GNAI3: variants seen among roughly 807,000 people sequenced by gnomAD.
The protein encoded by GNAI3 is guanine nucleotide-binding protein G(i) subunit alpha-3.
A neutral mutation model predicts 41.8 loss-of-function variants in GNAI3; 12 were observed. The observed-to-expected ratio is 0.29, with a 90% CI of 0.18 to 0.47. The LOEUF is 0.47. Among genes scored for constraint, GNAI3 ranks in the 20% least tolerant of loss-of-function variants. GNAI3 has a pLI of 1.00. For synonymous variants in GNAI3, 132 were observed against 146.5 expected (o/e 0.90, Z 0.71); for missense variants, 360 against 429.6 (o/e 0.84, Z 1.43).
At chr1:109,557,769 G>A (rs1452875798) in intron 1 of GNAI3, among the ~76,000 whole-genome samples, 1 of 152,094 alleles carries the variant, frequency 6.6e-6, no homozygotes, top group Non-Finnish European at 1.5e-5. Flanking sequence ...CCCGGTTCCT[G>A]GTAAAGAGTA....
At chr1:109,573,633 CT>C in intron 1 of GNAI3, 103 bp from the exon 2 acceptor site, 1 of 918,980 alleles carries the variant, frequency 1.1e-6, no homozygotes, top group East Asian at 2.4e-5. Context: ...AAAATTTTCC[CT>C]AGGACCCGTG....
At chr1:109,562,742 G>A (rs918953418) in intron 1 of GNAI3, among the ~76,000 whole-genome samples, 1 of 152,110 alleles carries the variant, frequency 6.6e-6, no homozygotes, top group African/African-American at 2.4e-5. Flanking sequence ...CTGTAGAAAC[G>A]TGCCCTATGC....
At chr1:109,590,844 T>G (rs1236741626) in intron 7 of GNAI3, among the ~76,000 whole-genome samples, 1 of 152,154 alleles carries the variant, frequency 6.6e-6, no homozygotes, top group Admixed American at 6.5e-5. Context: ...GGATTACAGA[T>G]GTGAGCCACC....
At chr1:109,559,204 A>G (rs150682937) in intron 1 of GNAI3, among the ~76,000 whole-genome samples, 2 of 152,224 alleles carry the variant, frequency 1.3e-5, no homozygotes, top group African/African-American at 4.8e-5. Flanking sequence ...AAAGAAAAGA[A>G]AAAGAAAAAA....
rs140943578 is a variant in GNAI3, at chr1:109,599,277, T to C, written c.*6955T>C. 43 of 190,680 alleles carry C rather than the reference T, an allele frequency of 2.3e-4. No homozygotes were observed. In the East Asian group the frequency reaches 5.8e-3, roughly 26 times the overall value. 11.8% of individuals were successfully genotyped at this position (190,680 alleles called of 1,614,324 possible). On this transcript the variant is annotated 3_prime_UTR_variant, in exon 9 of 9. Transcript: ENST00000369851. ...ATAACAAAATTTGCCATCTTAAGTG[T>C]ACAGTTCAGTGGCATTAAGTACATT...
intron 1 of GNAI3, among the ~76,000 whole-genome samples, chr1:109,549,730 ACTT>A (rs1051398901): frequency 6.6e-6 from 1 of 152,228 alleles, no homozygotes. Context: ...ACTATGGTAG[ACTT>A]CTGGTGGCTG....
intron 6 of GNAI3, 114 bp downstream of exon 6, chr1:109,586,459 T>C: frequency 9.2e-7 from 1 of 1,087,876 alleles, no homozygotes; most frequent in Non-Finnish European, 1.3e-6. Flanking sequence ...TTAGTATCTT[T>C]AATTTTTTTG....
Position 109,596,344 on chromosome 1 carries a change from TTTTTTCTTG to T in GNAI3, c.*4031_*4039del, listed in dbSNP as rs1649309990. 1 of 152,282 alleles carries T rather than the reference TTTTTTCTTG, an allele frequency of 6.6e-6. No individual in the cohort carries two copies. The highest frequency in any genetic ancestry group is 1.5e-5 in the Non-Finnish European group (1 of 68,172). 9.4% of individuals were successfully genotyped at this position (152,282 alleles called of 1,614,324 possible). ...TTCAGAACATGTCAGGATAGGGCAG[TTTTTTCTTG>T]TTTTTCTTTTTTCTTTTTTTGAGAC... On this transcript the variant is annotated 3_prime_UTR_variant, in exon 9 of 9. Transcript: ENST00000369851.
Position 109,599,910 on chromosome 1 carries a change from G to T in GNAI3, c.*7588G>T, listed in dbSNP as rs1239394209. ...TGTTGGTAGCTGGACATCATCACAG[G>T]CTTTGGATTGAGAAGACCTGTTCTG... On this transcript the variant is annotated 3_prime_UTR_variant, in exon 9 of 9. Transcript: ENST00000369851. 1 of 152,134 alleles carries T rather than the reference G, an allele frequency of 6.6e-6. No homozygotes were observed. The highest frequency in any genetic ancestry group is 1.5e-5 in the Non-Finnish European group (1 of 68,030). The allele number at this position is 152,134 out of a possible 1,614,324, so 9.4% of individuals were successfully genotyped here. A position where few individuals can be genotyped will look rare whatever the true frequency, so the allele number is the denominator to read the frequency against.
intron 1 of GNAI3, among the ~76,000 whole-genome samples, chr1:109,572,847 A>G (rs1648644493): frequency 6.6e-6 from 1 of 152,218 alleles, no homozygotes; most frequent in African/African-American, 2.4e-5. Context: ...TGAGTAGGTA[A>G]AATGAAGGTG....
At chr1:109,562,252 A>G (rs988964248) in intron 1 of GNAI3, among the ~76,000 whole-genome samples, 2 of 152,248 alleles carry the variant, frequency 1.3e-5, no homozygotes, top group African/African-American at 2.4e-5. Flanking sequence ...CTATTTACAT[A>G]GCATTTACAT....
rs1570556520 is a variant in GNAI3, at chr1:109,595,496, T to A, written c.*3174T>A. ...AAAATTTTAAAAAAAACTTCTTGCC[T>A]TGTTTTTTTAATTTTCATATATATT... On this transcript the variant is annotated 3_prime_UTR_variant, in exon 9 of 9. Transcript: ENST00000369851. 2 of 152,332 alleles carry A rather than the reference T, an allele frequency of 1.3e-5. No individual in the cohort carries two copies. The highest frequency in any genetic ancestry group is 3.9e-4 in the East Asian group (2 of 5,184). 9.4% of individuals were successfully genotyped at this position (152,332 alleles called of 1,614,324 possible). A position where few individuals can be genotyped will look rare whatever the true frequency, so the allele number is the denominator to read the frequency against.
In GNAI3 at chr1:109,548,854, CG is replaced by C; in HGVS notation, c.118+20del. ...CTGCTACTCGGTGAGGGGCTGGAGGCGGGGACTGAGTGGTGGTCGGGAGAGC... is the reference window on the plus strand; with the variant it reads ...CTGCTACTCGGTGAGGGGCTGGAGGCGGGACTGAGTGGTGGTCGGGAGAGC... On this transcript the variant is annotated intron_variant, in intron 1 of 8. Transcript: ENST00000369851. 1.3e-6 allele frequency: 2 copies of C among 1,520,612 alleles called. No homozygotes were observed. Among genetic ancestry groups the C allele is most frequent in the Non-Finnish European group, 9.1e-7 (1 of 1,098,054 alleles). The allele number at this position is 1,520,612 out of a possible 1,614,324, so 94.2% of individuals were successfully genotyped here.
At chr1:109,578,843 A>G (rs1302431611) in intron 3 of GNAI3, among the ~76,000 whole-genome samples, 2 of 152,182 alleles carry the variant, frequency 1.3e-5, no homozygotes, top group African/African-American at 4.8e-5. Context: ...CCTTTAATAG[A>G]ACGGGAATGT....
At chr1:109,548,908 T>C (rs113755188) in intron 1 of GNAI3, 70 bp downstream of exon 1, 4 of 1,039,870 alleles carry the variant, frequency 3.8e-6, no homozygotes, top group Non-Finnish European at 4.5e-6. Context: ...CTGAACGGGG[T>C]CTGGTCGGGC....
rs930265979 is a variant in GNAI3, at chr1:109,594,808, T to C, written c.*2486T>C. 1 of 152,096 alleles carries C rather than the reference T, an allele frequency of 6.6e-6. No individual in the cohort carries two copies. Among genetic ancestry groups the C allele is most frequent in the African/African-American group, 2.4e-5 (1 of 41,372 alleles). The allele number at this position is 152,096 out of a possible 1,614,324, so 9.4% of individuals were successfully genotyped here. On this transcript the variant is annotated 3_prime_UTR_variant, in exon 9 of 9. Transcript: ENST00000369851. ...CTGCCACCACGCCCAGCTAATTTTTTTGTATGTCTTAGTAGAGACGGGGTT... is the reference window on the plus strand; with the variant it reads ...CTGCCACCACGCCCAGCTAATTTTTCTGTATGTCTTAGTAGAGACGGGGTT...
chr1:109,556,218 A>T (rs1223286637), intron 1 of GNAI3, among the ~76,000 whole-genome samples: 1 of 151,860 alleles, frequency 6.6e-6, no homozygotes, highest in East Asian at 1.9e-4. Flanking sequence ...CCGTTGGCTA[A>T]TTTTTTGTAG....
At chr1:109,550,061 T>C (rs1457470060) in intron 1 of GNAI3, among the ~76,000 whole-genome samples, 1 of 152,210 alleles carries the variant, frequency 6.6e-6, no homozygotes, top group East Asian at 1.9e-4. Context: ...CAGAAACCCT[T>C]ACAAGCAATA....
chr1:109,557,234 C>A (rs1192708053), intron 1 of GNAI3, among the ~76,000 whole-genome samples: 1 of 152,176 alleles, frequency 6.6e-6, no homozygotes, highest in African/African-American at 2.4e-5. Flanking sequence ...CATGCCTCGC[C>A]ATTGGTGAAA....
Sources: allele counts gnomAD v4.1 joint callset (sites outside exome capture counted in the v4.1 genomes callset), GRCh38; gene constraint gnomAD v4.1.1; transcripts MANE v1.5; gene names NCBI Gene and HGNC (gene_info 2026-07-23, HGNC 2026-07-21).